SGCZ: variants seen among roughly 807,000 people sequenced by gnomAD.
The protein encoded by SGCZ is sarcoglycan zeta.
A neutral mutation model predicts 41.3 loss-of-function variants in SGCZ; 40 were observed. That is an observed-to-expected ratio of 0.97 (90% CI 0.75 to 1.26). SGCZ has a LOEUF of 1.26. Among genes scored for constraint, SGCZ ranks in the 50% most tolerant of loss-of-function variants. The pLI, the probability that SGCZ is intolerant of heterozygous loss-of-function variation, is 0.00. For missense variants in SGCZ, 552 were observed against 369.8 expected, an observed-to-expected ratio of 1.49 and a Z score of -4.04; for synonymous variants, 206 against 137.5, an observed-to-expected ratio of 1.50 and a Z score of -3.49.
chr8:15,237,805 A>G lies in SGCZ; in HGVS notation c.-182T>C. The G allele has an allele frequency of 5.2e-6, 3 of 576,294 alleles. No individual in the cohort carries two copies. The highest frequency in any genetic ancestry group is 6.2e-6 in the Non-Finnish European group (2 of 322,182). 35.7% of individuals were successfully genotyped at this position (576,294 alleles called of 1,614,324 possible). ...TAAAAATAAGGAAAATAAATAAATA[A>G]TAATGATAATTCACTTTATTTTACT... On this transcript the variant is annotated 5_prime_UTR_variant, in exon 1 of 8. Transcript: ENST00000382080.
chr8:14,906,278 C>G (rs192140611), intron 1 of SGCZ, among the ~76,000 whole-genome samples: 211 of 152,102 alleles, frequency 1.4e-3, no homozygotes, highest in African/African-American at 4.9e-3. Flanking sequence ...GCTTTGTAGT[C>G]CAATAATTCT....
rs190648654 is a variant in SGCZ at position 15,054,330 on chromosome 8, G to C, written c.39+183255C>G. Among the ~76,000 whole-genome samples the C allele has an allele frequency of 4.2e-3, 634 of 152,222 alleles. 4 individuals carry two copies. Among genetic ancestry groups the C allele is most frequent in the Non-Finnish European group, 7.2e-3 (491 of 68,024 alleles). On this transcript the variant is annotated intron_variant, in intron 1 of 7. Transcript: ENST00000382080. ...AGCTCAATACAGCTTCACCCATGTG[G>C]TCCTTAAATTCCACCTAAATATCGC...
chr8:14,245,540 G>C (rs1799055499), intron 3 of SGCZ, among the ~76,000 whole-genome samples: 1 of 152,098 alleles, frequency 6.6e-6, no homozygotes. Flanking sequence ...CATTGGCAAG[G>C]ACTTCATGTC....
chr8:14,847,697 G>A (rs1443162671), intron 1 of SGCZ, among the ~76,000 whole-genome samples: 1 of 126,336 alleles, frequency 7.9e-6, no homozygotes, highest in Non-Finnish European at 1.7e-5. Context: ...GAGGAGGGGA[G>A]GAGAGGAGGG....
Position 14,102,506 on chromosome 8 carries a change from G to T in SGCZ, c.621-7C>A. On this transcript the variant is annotated splice_polypyrimidine_tract_variant and splice_region_variant and intron_variant, in intron 6 of 7. Transcript: ENST00000382080. ...TCTGGTGGGTGATTCAAGCCTAAGG[G>T]AAAAACAAAAAATCATTAATAGGAA... is the stretch of plus-strand genomic sequence containing the variant. The T allele has an allele frequency of 7.3e-7, 1 of 1,375,360 alleles. No homozygotes were observed. The highest frequency in any genetic ancestry group is 9.5e-7 in the Non-Finnish European group (1 of 1,051,954). 85.2% of individuals were successfully genotyped at this position (1,375,360 alleles called of 1,614,324 possible).
chr8:14,774,511 C>A (rs1800341881), intron 1 of SGCZ, among the ~76,000 whole-genome samples: 1 of 152,216 alleles, frequency 6.6e-6, no homozygotes, highest in African/African-American at 2.4e-5. Flanking sequence ...CCACATGTTG[C>A]AGCCCTTATG....
chr8:15,094,290 A>T (rs1806256302), intron 1 of SGCZ, among the ~76,000 whole-genome samples: 1 of 152,066 alleles, frequency 6.6e-6, no homozygotes, highest in Admixed American at 6.6e-5. Context: ...GTGCACCACC[A>T]TGCCTAGCTA....
chr8:14,505,432 C>G (rs960769739), intron 2 of SGCZ, among the ~76,000 whole-genome samples: 1 of 152,008 alleles, frequency 6.6e-6, no homozygotes, highest in Non-Finnish European at 1.5e-5. Flanking sequence ...GCAGACAATC[C>G]ATTGTTTCTT....
At chr8:15,011,903 T>C (rs750708873) in intron 1 of SGCZ, among the ~76,000 whole-genome samples, 3 of 152,188 alleles carry the variant, frequency 2.0e-5, no homozygotes, top group Non-Finnish European at 4.4e-5. Context: ...CTTTTCTCAT[T>C]TAACTGTGGT....
chr8:14,256,754 G>C (rs908550897), intron 3 of SGCZ, among the ~76,000 whole-genome samples: 1 of 152,176 alleles, frequency 6.6e-6, no homozygotes, highest in South Asian at 2.1e-4. Context: ...TCAATTACAT[G>C]AATCTATCCA....
chr8:14,712,575 C>A (rs972186525), intron 1 of SGCZ, among the ~76,000 whole-genome samples: 10 of 152,242 alleles, frequency 6.6e-5, no homozygotes, highest in African/African-American at 2.4e-4. Flanking sequence ...CAAATGGTAT[C>A]TCTGAGATGG....
At chr8:14,597,198 T>G (rs1805440066) in intron 1 of SGCZ, among the ~76,000 whole-genome samples, 1 of 152,180 alleles carries the variant, frequency 6.6e-6, no homozygotes, top group South Asian at 2.1e-4. Flanking sequence ...AAACCTGGCT[T>G]TATTGAAGCA....
rs187271980 is a variant in SGCZ, at chr8:14,365,728, C to A, written c.235-41524G>T. 2.5e-3 allele frequency among the ~76,000 whole-genome samples: 373 copies of A among 152,162 alleles called. 2 individuals carry two copies. Among genetic ancestry groups the A allele is most frequent in the Non-Finnish European group, 4.1e-3 (279 of 67,956 alleles). ...AATAGGTTTTTATCTTAAGGCTTAACAGGGATTGTTCCACTTATTTTGTCC... is the reference window on the plus strand; with the variant it reads ...AATAGGTTTTTATCTTAAGGCTTAAAAGGGATTGTTCCACTTATTTTGTCC... On this transcript the variant is annotated intron_variant, in intron 2 of 7. Coordinates refer to ENST00000382080, the MANE Select transcript of SGCZ (RefSeq NM_139167.4).
At chr8:14,113,678 T>C (rs1802440625) in intron 5 of SGCZ, among the ~76,000 whole-genome samples, 1 of 152,116 alleles carries the variant, frequency 6.6e-6, no homozygotes, top group African/African-American at 2.4e-5. Context: ...ACAGCTTCAA[T>C]ATCACATACA....
intron 1 of SGCZ, among the ~76,000 whole-genome samples, chr8:15,131,633 G>A (rs1345985526): frequency 6.6e-6 from 1 of 152,142 alleles, no homozygotes; most frequent in Non-Finnish European, 1.5e-5. Flanking sequence ...CCCGATTTCT[G>A]TGAGTCAGCT....
chr8:14,928,747 C>G (rs1254108481), intron 1 of SGCZ, among the ~76,000 whole-genome samples: 1 of 152,020 alleles, frequency 6.6e-6, no homozygotes, highest in Non-Finnish European at 1.5e-5. Flanking sequence ...AAAAGCATAA[C>G]AGATTTGAAG....
intron 1 of SGCZ, among the ~76,000 whole-genome samples, chr8:15,079,242 G>A (rs895241586): frequency 2.6e-5 from 4 of 152,234 alleles, no homozygotes; most frequent in African/African-American, 7.2e-5. Context: ...AGGCAGGAAT[G>A]TACCCCAAGA....
chr8:14,734,754 T>C (rs557103176), intron 1 of SGCZ, among the ~76,000 whole-genome samples: 38 of 152,302 alleles, frequency 2.5e-4, no homozygotes, highest in African/African-American at 8.4e-4. Flanking sequence ...TATTATTATT[T>C]TTAATGGTAA....
chr8:15,217,763 G>A (rs1801459688), intron 1 of SGCZ, among the ~76,000 whole-genome samples: 1 of 152,148 alleles, frequency 6.6e-6, no homozygotes, highest in Non-Finnish European at 1.5e-5. Flanking sequence ...TAGTCTTCAA[G>A]CAAAGCAATG....
Sources: allele counts gnomAD v4.1 joint callset (sites outside exome capture counted in the v4.1 genomes callset), GRCh38; gene constraint gnomAD v4.1.1; transcripts MANE v1.5; gene names NCBI Gene and HGNC (gene_info 2026-07-23, HGNC 2026-07-21).